Variants in OXR1 observed in about 807,000 individuals in gnomAD.
The protein encoded by OXR1 is oxidation resistance 1, also known as oxidation resistance protein 1.
A neutral mutation model predicts 104.6 loss-of-function variants in OXR1; 41 were observed. The ratio of observed to expected loss-of-function variants is 0.39; its 90% CI spans 0.31 to 0.51. The LOEUF is 0.51. Ranked by LOEUF, OXR1 falls within the 20% of genes least tolerant of loss-of-function variation. The pLI is 0.77. For missense variants in OXR1, 955 were observed against 1,031.9 expected, an observed-to-expected ratio of 0.93 and a Z score of 1.02; for synonymous variants, 348 against 348.4, an observed-to-expected ratio of 1.00 and a Z score of 0.01.
intron 1 of OXR1, among the ~76,000 whole-genome samples, chr8:106,309,833 A>C (rs1000911664): frequency 6.6e-6 from 1 of 151,210 alleles, no homozygotes; most frequent in African/African-American, 2.4e-5. Context: ...ATTTGTCCAC[A>C]TATTTATTGA....
chr8:106,378,199 T>C (rs1002584226), intron 2 of OXR1, among the ~76,000 whole-genome samples: 1 of 152,192 alleles, frequency 6.6e-6, no homozygotes, highest in African/African-American at 2.4e-5. Flanking sequence ...GACAGGTTAC[T>C]GTAGGGATTA....
chr8:106,287,647 A>AT (rs1457889372), intron 1 of OXR1, among the ~76,000 whole-genome samples: 7 of 115,522 alleles, frequency 6.1e-5, no homozygotes, highest in Admixed American at 4.1e-4. Flanking sequence ...TGAGAAGAAC[A>AT]TCCCATTTCA....
chr8:106,718,456 C>A (rs1387938268), intron 11 of OXR1, among the ~76,000 whole-genome samples: 3 of 152,152 alleles, frequency 2.0e-5, no homozygotes, highest in Non-Finnish European at 4.4e-5. Flanking sequence ...GATAAAGGAT[C>A]TGAGAAATAC....
At chr8:106,549,243 CA>C (rs776551463) in intron 3 of OXR1, among the ~76,000 whole-genome samples, 99 of 128,666 alleles carry the variant, frequency 7.7e-4, no homozygotes, top group African/African-American at 2.4e-3. Context: ...ACATATCAAA[CA>C]TTTTTTTTTT....
intron 1 of OXR1, among the ~76,000 whole-genome samples, chr8:106,315,022 A>G (rs778320407): frequency 6.6e-6 from 1 of 151,598 alleles, no homozygotes; most frequent in Non-Finnish European, 1.5e-5. Context: ...GTGGAAGTAT[A>G]TTTTATCAGA....
chr8:106,452,810 A>C (rs1272990052), intron 2 of OXR1, among the ~76,000 whole-genome samples: 3 of 152,042 alleles, frequency 2.0e-5, no homozygotes, highest in Non-Finnish European at 4.4e-5. Flanking sequence ...TTTACAGTAC[A>C]TTTTAAGGGC....
At chr8:106,512,578 A>G (rs894512490) in intron 2 of OXR1, among the ~76,000 whole-genome samples, 5 of 151,668 alleles carry the variant, frequency 3.3e-5, no homozygotes, top group Admixed American at 2.0e-4. Context: ...ATTAAATAAA[A>G]ACACTTTTTT....
At chr8:106,622,078 A>T (rs1428193240) in intron 3 of OXR1, among the ~76,000 whole-genome samples, 1 of 152,160 alleles carries the variant, frequency 6.6e-6, no homozygotes, top group Non-Finnish European at 1.5e-5. Flanking sequence ...CCATTAATGG[A>T]AGCATCATTT....
chr8:106,493,572 G>A (rs1586717646), intron 2 of OXR1, among the ~76,000 whole-genome samples: 3 of 151,786 alleles, frequency 2.0e-5, no homozygotes, highest in Non-Finnish European at 4.4e-5. Flanking sequence ...TAACAATGTC[G>A]GGCCACACTG....
intron 1 of OXR1, 28 bp downstream of exon 1, chr8:106,270,395 GGGCGAGGGCTT>G (rs1409947038): frequency 6.6e-6 from 1 of 152,314 alleles, no homozygotes; most frequent in African/African-American, 2.4e-5. Context: ...CTGGGCGTTA[GGGCGAGGGCTT>G]GGCGCCCGGG....
At chr8:106,591,445 T>TAA (rs79236395) in intron 3 of OXR1, among the ~76,000 whole-genome samples, 51,926 of 146,296 alleles carry the variant, frequency 0.35, 9,583 homozygotes, top group African/African-American at 0.47. Context: ...AAAGTATAAT[T>TAA]AAAAAAAAAA....
At chr8:106,480,053 C>G (rs1276261366) in intron 2 of OXR1, among the ~76,000 whole-genome samples, 2 of 151,952 alleles carry the variant, frequency 1.3e-5, no homozygotes, top group Non-Finnish European at 2.9e-5. Context: ...ATGTTTTTAA[C>G]AACTATGGTA....
intron 2 of OXR1, among the ~76,000 whole-genome samples, chr8:106,427,319 ACC>A (rs1819171867): frequency 6.6e-6 from 1 of 151,980 alleles, no homozygotes. Flanking sequence ...GGTGACCACC[ACC>A]ACGTCCGGCA....
intron 2 of OXR1, among the ~76,000 whole-genome samples, chr8:106,493,446 C>T (rs927482307): frequency 6.6e-6 from 1 of 152,134 alleles, no homozygotes; most frequent in Non-Finnish European, 1.5e-5. Flanking sequence ...TGAAACCAGA[C>T]GGGCCTGGGA....
chr8:106,714,028 G>A, intron 11 of OXR1, 43 bp downstream of exon 11: 1 of 1,446,298 alleles, frequency 6.9e-7, no homozygotes, highest in Non-Finnish European at 9.4e-7. Flanking sequence ...TTTTTAGTTT[G>A]TATGAATTTA....
chr8:106,295,026 T>C (rs987890762), intron 1 of OXR1, among the ~76,000 whole-genome samples: 4 of 152,182 alleles, frequency 2.6e-5, no homozygotes, highest in Non-Finnish European at 5.9e-5. Context: ...GAAGACTGTG[T>C]CTTATAACTT....
intron 2 of OXR1, among the ~76,000 whole-genome samples, chr8:106,435,884 G>A (rs2130575139): frequency 6.6e-6 from 1 of 152,200 alleles, no homozygotes; most frequent in East Asian, 1.9e-4. Flanking sequence ...GATGTTGTTG[G>A]TCATACAAAT....
intron 1 of OXR1, among the ~76,000 whole-genome samples, chr8:106,307,890 T>G (rs1813528509): frequency 6.6e-6 from 1 of 152,104 alleles, no homozygotes; most frequent in South Asian, 2.1e-4. Flanking sequence ...GTGATTATCA[T>G]ATGTCCATTT....
chr8:106,593,880 T>G (rs1203435279), intron 3 of OXR1, among the ~76,000 whole-genome samples: 2 of 152,184 alleles, frequency 1.3e-5, no homozygotes, highest in East Asian at 3.9e-4. Flanking sequence ...CAAGGCTATA[T>G]GCAGAAAGGA....
Sources: gnomAD v4.1 joint callset for allele counts (sites outside exome capture counted in the v4.1 genomes callset) on GRCh38, gnomAD v4.1.1 for gene constraint, MANE v1.5 for transcripts, NCBI Gene and HGNC (gene_info 2026-07-23, HGNC 2026-07-21) for gene names.